FBXL2: variants seen among roughly 807,000 people sequenced by gnomAD.
The protein encoded by FBXL2 is F-box/LRR-repeat protein 2.
A neutral mutation model predicts 69.2 loss-of-function variants in FBXL2; 38 were observed. The observed-to-expected ratio is 0.55, with a 90% CI of 0.42 to 0.72. The LOEUF (loss-of-function observed/expected upper bound fraction) is 0.72. Ranked by LOEUF, FBXL2 falls within the 30% of genes least tolerant of loss-of-function variation. The pLI, the probability that FBXL2 is intolerant of heterozygous loss-of-function variation, is 0.00. For missense variants in FBXL2, 354 were observed against 520.3 expected (o/e 0.68, Z 3.11); for synonymous variants, 192 against 201.3 (o/e 0.95, Z 0.39).
At chr3:33,376,120 C>A (rs1009022983) in intron 10 of FBXL2, among the ~76,000 whole-genome samples, 1 of 148,906 alleles carries the variant, frequency 6.7e-6, no homozygotes, top group African/African-American at 2.5e-5. Flanking sequence ...TGTGCCACTG[C>A]ACTCTAGTCT....
intron 5 of FBXL2, among the ~76,000 whole-genome samples, chr3:33,370,755 A>G (rs1453347484): frequency 6.6e-6 from 1 of 152,144 alleles, no homozygotes; most frequent in Non-Finnish European, 1.5e-5. Flanking sequence ...GGCTGGGACT[A>G]CAGGCACACA....
intron 2 of FBXL2, among the ~76,000 whole-genome samples, chr3:33,349,797 G>C (rs1256883525): frequency 6.6e-6 from 1 of 152,110 alleles, no homozygotes. Flanking sequence ...TGATAACTTA[G>C]ATGGAAAGGA....
intron 10 of FBXL2, among the ~76,000 whole-genome samples, chr3:33,376,777 G>C (rs533315446): frequency 6.6e-6 from 1 of 152,070 alleles, no homozygotes; most frequent in East Asian, 1.9e-4. Flanking sequence ...GAGGTGGGTG[G>C]ATTACCTGAG....
intron 2 of FBXL2, among the ~76,000 whole-genome samples, chr3:33,351,424 C>A (rs2040822573): frequency 6.6e-6 from 1 of 151,840 alleles, no homozygotes; most frequent in African/African-American, 2.4e-5. Flanking sequence ...ACATTAGCAT[C>A]AAAAAAATGA....
chr3:33,312,655 A>G (rs1249436652), intron 2 of FBXL2, among the ~76,000 whole-genome samples: 3 of 152,176 alleles, frequency 2.0e-5, no homozygotes, highest in Admixed American at 6.5e-5. Context: ...GCTTTTAGCT[A>G]CTATATATTA....
At chr3:33,409,068 C>CT in the FBXL2 span, among the ~76,000 whole-genome samples, 2 of 152,186 alleles carry the variant, frequency 1.3e-5, no homozygotes, top group Non-Finnish European at 2.9e-5. Flanking sequence ...AGGAAACAGT[C>CT]TATCAAAATC....
intron 12 of FBXL2, chr3:33,396,898 A>C (rs1451071429): frequency 2.6e-6 from 2 of 762,464 alleles, no homozygotes; most frequent in East Asian, 5.4e-5. Context: ...TACACAAAAC[A>C]GTCTTCTTGT....
intron 1 of FBXL2, among the ~76,000 whole-genome samples, chr3:33,288,003 GCTAC>G (rs886311709): frequency 1.3e-5 from 2 of 152,136 alleles, no homozygotes; most frequent in Non-Finnish European, 2.9e-5. Context: ...CTATGGGTTG[GCTAC>G]ACTTTTATTG....
At chr3:33,360,839 T>A (rs1024836389) in intron 4 of FBXL2, among the ~76,000 whole-genome samples, 7 of 151,970 alleles carry the variant, frequency 4.6e-5, no homozygotes, top group Admixed American at 3.9e-4. Context: ...ATACTTACTC[T>A]TTTTCTGTGG....
intron 13 of FBXL2, among the ~76,000 whole-genome samples, chr3:33,381,299 C>T (rs2043040313): frequency 6.6e-6 from 1 of 152,184 alleles, no homozygotes; most frequent in Admixed American, 6.5e-5. Flanking sequence ...TCATCTTTCT[C>T]CAATCTGTGT....
downstream of FBXL2, chr3:33,392,389 T>C: frequency 1.7e-6 from 1 of 574,488 alleles, no homozygotes; most frequent in Non-Finnish European, 2.9e-6. Flanking sequence ...CTGACTCCTC[T>C]TCCTTATATG....
intron 2 of FBXL2, among the ~76,000 whole-genome samples, chr3:33,310,774 T>C (rs1035430653): frequency 5.3e-5 from 8 of 151,888 alleles, no homozygotes; most frequent in African/African-American, 1.5e-4. Flanking sequence ...AAAAAAATTA[T>C]ATATTTAAAA....
At chr3:33,298,365 A>G (rs75072857) in intron 2 of FBXL2, among the ~76,000 whole-genome samples, 2,914 of 152,232 alleles carry the variant, frequency 0.019, 87 homozygotes, top group African/African-American at 0.066. Flanking sequence ...GTATTATGCA[A>G]TCATCAAAAG....
rs547179125 is a variant in FBXL2, at chr3:33,282,428, C to T, written c.3+4913C>T. On this transcript the variant is annotated intron_variant, in intron 1 of 14. Transcript: ENST00000484457. ...TATATATCTGTTTTGGTACCAGTAC[C>T]ATGCTGTTTTGGTTACTGTAGCCTT... is the stretch of plus-strand genomic sequence containing the variant. Among the ~76,000 whole-genome samples the T allele has an allele frequency of 1.3e-3, 193 of 152,252 alleles. 2 individuals are homozygous for T. The highest frequency in any genetic ancestry group is 4.5e-3 in the African/African-American group (185 of 41,550).
At chr3:33,295,686 T>C (rs1001556496) in intron 1 of FBXL2, among the ~76,000 whole-genome samples, 5 of 152,216 alleles carry the variant, frequency 3.3e-5, no homozygotes, top group Non-Finnish European at 7.3e-5. Flanking sequence ...GGCTATGCCA[T>C]TTTACATTCC....
At chr3:33,370,876 C>T (rs1200505067) in intron 5 of FBXL2, among the ~76,000 whole-genome samples, 1 of 152,142 alleles carries the variant, frequency 6.6e-6, no homozygotes, top group Non-Finnish European at 1.5e-5. Context: ...TTCCTTGGGT[C>T]TATGGGTTTA....
intron 2 of FBXL2, among the ~76,000 whole-genome samples, chr3:33,341,896 G>T (rs1221858136): frequency 2.0e-5 from 3 of 148,700 alleles, no homozygotes; most frequent in Non-Finnish European, 4.5e-5. Context: ...TGCTGACAAA[G>T]TTCTATTTCT....
At chr3:33,317,130 T>A (rs774783217) in intron 2 of FBXL2, among the ~76,000 whole-genome samples, 2 of 152,140 alleles carry the variant, frequency 1.3e-5, no homozygotes, top group Non-Finnish European at 2.9e-5. Flanking sequence ...ACTCCTAGCC[T>A]TAAGCAATTT....
chr3:33,396,226 T>C (rs1575451045), intron 12 of FBXL2: 10 of 1,594,380 alleles, frequency 6.3e-6, no homozygotes, highest in Non-Finnish European at 8.6e-6. Context: ...CTTGCAGCAC[T>C]GTGCTGCTTG....
Sources: gnomAD v4.1 joint callset for allele counts (sites outside exome capture counted in the v4.1 genomes callset) on GRCh38, gnomAD v4.1.1 for gene constraint, MANE v1.5 for transcripts, NCBI Gene and HGNC (gene_info 2026-07-23, HGNC 2026-07-21) for gene names.